PHKB: variants seen among roughly 807,000 people sequenced by gnomAD.
The protein encoded by PHKB is phosphorylase b kinase regulatory subunit beta.
Under a neutral mutation model 152.1 loss-of-function variants are expected in PHKB, and 122 were observed. That is an observed-to-expected ratio of 0.80 (90% CI 0.69 to 0.93). The LOEUF is 0.93. PHKB is among the 40% of genes least tolerant of loss of function. PHKB has a pLI of 0.00. For synonymous variants in PHKB, 436 were observed against 464.9 expected, an observed-to-expected ratio of 0.94 and a Z score of 0.80; for missense variants, 1,304 against 1,328.4, an observed-to-expected ratio of 0.98 and a Z score of 0.29.
In PHKB at chr16:47,526,384, C is replaced by T. The variant is rs138899119; in HGVS notation, c.594+10783C>T. 7.1e-3 allele frequency among the ~76,000 whole-genome samples: 1,074 copies of T among 151,720 alleles called. 16 individuals carry two copies. Among genetic ancestry groups the T allele is most frequent in the African/African-American group, 0.025 (1,029 of 41,382 alleles). On this transcript the variant is annotated intron_variant, in intron 6 of 30. Coordinates refer to ENST00000323584, the MANE Select transcript of PHKB (RefSeq NM_000293.3). ...GAGATCGTGCCATTGCACTCCAGCC[C>T]GGGCGACAGAGTGAGATTCTTCTAA...
At chr16:47,512,684 T>C (rs1192865460) in intron 5 of PHKB, among the ~76,000 whole-genome samples, 1 of 152,194 alleles carries the variant, frequency 6.6e-6, no homozygotes, top group Non-Finnish European at 1.5e-5. Context: ...TTCATTTTAT[T>C]CCCCTCTCAC....
At chr16:47,572,860 G>A (rs1971686177) in intron 7 of PHKB, among the ~76,000 whole-genome samples, 1 of 152,162 alleles carries the variant, frequency 6.6e-6, no homozygotes, top group Admixed American at 6.5e-5. Flanking sequence ...TCCTTCCTGA[G>A]CACCGTGTTA....
At chr16:47,558,238 C>CG (rs1490367914) in intron 7 of PHKB, among the ~76,000 whole-genome samples, 3 of 89,624 alleles carry the variant, frequency 3.3e-5, no homozygotes, top group Non-Finnish European at 6.3e-5. Context: ...GTTGTGGGGT[C>CG]GGGGGAGGGG....
intron 25 of PHKB, among the ~76,000 whole-genome samples, chr16:47,666,319 G>A (rs1973538444): frequency 6.6e-6 from 1 of 152,200 alleles, no homozygotes; most frequent in African/African-American, 2.4e-5. Flanking sequence ...AACTACTGAA[G>A]TACTCCAGAC....
chr16:47,547,569 G>GTTT, intron 7 of PHKB, 21 bp downstream of exon 7: 1 of 1,217,928 alleles, frequency 8.2e-7, no homozygotes, highest in Non-Finnish European at 1.2e-6. Flanking sequence ...GATTTCTGAG[G>GTTT]TTTTTTTTTT....
chr16:47,609,557 G>C (rs1597121611), intron 13 of PHKB, among the ~76,000 whole-genome samples: 1 of 148,122 alleles, frequency 6.8e-6, no homozygotes, highest in African/African-American at 2.6e-5. Flanking sequence ...GTGTGTTTGT[G>C]TGTGTGTGTG....
intron 14 of PHKB, among the ~76,000 whole-genome samples, chr16:47,623,486 G>GTT (rs5816578): frequency 8.4e-6 from 1 of 118,846 alleles, no homozygotes; most frequent in Non-Finnish European, 1.9e-5. Context: ...TTTGAACTTG[G>GTT]TTTTTTTTTT....
intron 7 of PHKB, among the ~76,000 whole-genome samples, chr16:47,579,579 C>CT (rs1282533277): frequency 6.6e-6 from 1 of 151,996 alleles, no homozygotes; most frequent in Non-Finnish European, 1.5e-5. Context: ...AATAATTAAA[C>CT]TGAGTATTAG....
chr16:47,541,155 C>T (rs1474056112), intron 6 of PHKB, among the ~76,000 whole-genome samples: 2 of 152,124 alleles, frequency 1.3e-5, no homozygotes, highest in Admixed American at 6.5e-5. Context: ...CATCACACCA[C>T]CACATGACAG....
chr16:47,679,597 T>C (rs149375745), intron 26 of PHKB, among the ~76,000 whole-genome samples: 126 of 152,386 alleles, frequency 8.3e-4, no homozygotes, highest in African/African-American at 2.7e-3. Context: ...CTAAGAATGC[T>C]TGTGATTTTG....
chr16:47,696,603 T>A, intron 29 of PHKB, 115 bp downstream of exon 29: 2 of 728,620 alleles, frequency 2.7e-6, no homozygotes, highest in Non-Finnish European at 5.0e-6. Flanking sequence ...AGTACCCCGA[T>A]CTCTCCTGTG....
At chr16:47,481,929 C>T (rs1186538682) in intron 1 of PHKB, among the ~76,000 whole-genome samples, 1 of 152,096 alleles carries the variant, frequency 6.6e-6, no homozygotes, top group Non-Finnish European at 1.5e-5. Context: ...CTATGAAGAC[C>T]TTCTGTGACC....
At chr16:47,657,486 ATAT>A (rs1973360045) in intron 20 of PHKB, among the ~76,000 whole-genome samples, 1 of 152,188 alleles carries the variant, frequency 6.6e-6, no homozygotes, top group Non-Finnish European at 1.5e-5. Context: ...AGTGTTTTAA[ATAT>A]TATATTGCGT....
At chr16:47,644,750 TGGGAA>T (rs1973086441) in intron 16 of PHKB, among the ~76,000 whole-genome samples, 1 of 152,216 alleles carries the variant, frequency 6.6e-6, no homozygotes, top group African/African-American at 2.4e-5. Flanking sequence ...TTTTAGCTGT[TGGGAA>T]GGGAAGTCCA....
At chr16:47,519,949 C>T (rs1348840356) in intron 6 of PHKB, among the ~76,000 whole-genome samples, 2 of 151,890 alleles carry the variant, frequency 1.3e-5, no homozygotes, top group Non-Finnish European at 2.9e-5. Context: ...TTTTTGTGTA[C>T]ATGTTTTGTG....
intron 16 of PHKB, among the ~76,000 whole-genome samples, chr16:47,642,424 C>T (rs540173608): frequency 2.6e-5 from 4 of 152,272 alleles, no homozygotes; most frequent in East Asian, 1.9e-4. Flanking sequence ...TGTTCTTGCT[C>T]GTTAGAGACA....
At chr16:47,568,232 AT>A (rs1212775125) in intron 7 of PHKB, among the ~76,000 whole-genome samples, 29 of 151,966 alleles carry the variant, frequency 1.9e-4, no homozygotes, top group Non-Finnish European at 1.0e-4. Context: ...TCAGCTCAAG[AT>A]TTCTTTATCT....
At chr16:47,491,389 C>G (rs1316066324) in intron 1 of PHKB, among the ~76,000 whole-genome samples, 5 of 152,188 alleles carry the variant, frequency 3.3e-5, no homozygotes, top group Non-Finnish European at 7.3e-5. Flanking sequence ...AGCCTAGTAT[C>G]TAACCTGCAT....
intron 14 of PHKB, among the ~76,000 whole-genome samples, chr16:47,631,390 C>T (rs976092150): frequency 1.3e-5 from 2 of 152,194 alleles, no homozygotes; most frequent in East Asian, 1.9e-4. Flanking sequence ...TTGAATAACA[C>T]GTGGCACATA....
Sources: gnomAD v4.1 joint callset for allele counts (sites outside exome capture counted in the v4.1 genomes callset) on GRCh38, gnomAD v4.1.1 for gene constraint, MANE v1.5 for transcripts, NCBI Gene and HGNC (gene_info 2026-07-23, HGNC 2026-07-21) for gene names.